AMD1: variants seen among roughly 807,000 people sequenced by gnomAD.
AMD1 encodes the protein adenosylmethionine decarboxylase 1, also known as S-adenosylmethionine decarboxylase proenzyme.
In AMD1, 11 loss-of-function variants were observed where a neutral mutation model predicts 40.2. The ratio of observed to expected loss-of-function variants is 0.27; its 90% CI spans 0.17 to 0.45. AMD1 has a LOEUF of 0.45. Ranked by LOEUF, AMD1 falls within the 20% of genes least tolerant of loss-of-function variation. The probability of loss-of-function intolerance (pLI) is 1.00; values close to 1 mark genes in which losing one functional copy is unlikely to be tolerated. For missense variants in AMD1, 257 were observed against 410.2 expected, an observed-to-expected ratio of 0.63 and a Z score of 3.23; for synonymous variants, 121 against 130.8, an observed-to-expected ratio of 0.93 and a Z score of 0.51.
intron 1 of AMD1, among the ~76,000 whole-genome samples, chr6:110,884,126 A>T (rs1785559613): frequency 6.6e-6 from 1 of 152,260 alleles, no homozygotes; most frequent in Non-Finnish European, 1.5e-5. Flanking sequence ...TTGGGTGGCA[A>T]ATAAGTGGGG....
In AMD1 at chr6:110,890,221, C is replaced by T. The variant is rs116158848; in HGVS notation, c.325-33C>T. Reference sequence around the variant, plus strand: ...GATAGAATTCTACATCTAAAGTCATCTTTTTTTTTCTTTCTTTTCTTTTTT... The same window carrying T: ...GATAGAATTCTACATCTAAAGTCATTTTTTTTTTTCTTTCTTTTCTTTTTT... On this transcript the variant is annotated intron_variant, in intron 3 of 8. Coordinates refer to ENST00000368885, the MANE Select transcript of AMD1 (RefSeq NM_001634.6). The T allele has an allele frequency of 1.4e-3, 1,993 of 1,420,230 alleles. 31 individuals are homozygous for T. The African/African-American group carries it at 0.026, about 19-fold the overall frequency. 88.0% of individuals were successfully genotyped at this position (1,420,230 alleles called of 1,614,324 possible).
At chr6:110,864,585 T>A in the AMD1 span, 1 of 152,208 alleles carries the variant, frequency 6.6e-6, no homozygotes, top group African/African-American at 2.4e-5. Flanking sequence ...AACATGGGCT[T>A]TTAAATTTCA....
chr6:110,892,543 G>A, intron 6 of AMD1, 100 bp downstream of exon 6: 8 of 1,524,950 alleles, frequency 5.2e-6, no homozygotes, highest in Non-Finnish European at 6.3e-6. Context: ...ACAAGTGCTA[G>A]TTTGTTACAT....
chr6:110,828,868 C>G, the AMD1 span, among the ~76,000 whole-genome samples: 1 of 152,106 alleles, frequency 6.6e-6, no homozygotes, highest in African/African-American at 2.4e-5. Context: ...TTTCATCTGT[C>G]CTGCTGTTAA....
chr6:110,867,611 C>A, the AMD1 span, among the ~76,000 whole-genome samples: 3 of 152,156 alleles, frequency 2.0e-5, no homozygotes, highest in Non-Finnish European at 4.4e-5. Context: ...TTGCAGTGAG[C>A]CAAGATCGTG....
chr6:110,889,396 G>C (rs1275930696), intron 3 of AMD1: 1 of 152,666 alleles, frequency 6.6e-6, no homozygotes, highest in East Asian at 1.9e-4. Context: ...GAACTAAGGT[G>C]TTTTTACCTA....
chr6:110,822,417 C>T, the AMD1 span, among the ~76,000 whole-genome samples: 1 of 151,916 alleles, frequency 6.6e-6, no homozygotes, highest in African/African-American at 2.4e-5. Flanking sequence ...CAATAACAAG[C>T]AGTGAGATTG....
chr6:110,820,309 TCACCACGACCTC>T, the AMD1 span, among the ~76,000 whole-genome samples: 1 of 151,672 alleles, frequency 6.6e-6, no homozygotes, highest in Non-Finnish European at 1.5e-5. Context: ...CGATCTTGGC[TCACCACGACCTC>T]CACCTCCCAG....
chr6:110,817,966 G>A, the AMD1 span, among the ~76,000 whole-genome samples: 1 of 152,128 alleles, frequency 6.6e-6, no homozygotes, highest in Non-Finnish European at 1.5e-5. Context: ...AGGTAGAACA[G>A]CATGTACATA....
the AMD1 span, among the ~76,000 whole-genome samples, chr6:110,834,552 G>A: frequency 6.6e-6 from 1 of 151,900 alleles, no homozygotes; most frequent in African/African-American, 2.4e-5. Context: ...ACTGAGTGTG[G>A]GGGCTTATGC....
intron 1 of AMD1, among the ~76,000 whole-genome samples, chr6:110,886,062 C>T (rs1785666123): frequency 6.6e-6 from 1 of 152,006 alleles, no homozygotes; most frequent in East Asian, 1.9e-4. Context: ...TGAGACCAGC[C>T]TGGCCAACAT....
At chr6:110,815,260 G>A in the AMD1 span, 1 of 1,022,930 alleles carries the variant, frequency 9.8e-7, no homozygotes, top group Non-Finnish European at 1.3e-6. Flanking sequence ...CGCGCGCGCC[G>A]CCCGCCGCCC....
At chr6:110,817,533 C>T in the AMD1 span, among the ~76,000 whole-genome samples, 7 of 151,996 alleles carry the variant, frequency 4.6e-5, no homozygotes, top group African/African-American at 9.7e-5. Flanking sequence ...CCCTTGAACC[C>T]GGGAGGCAGA....
the AMD1 span, among the ~76,000 whole-genome samples, chr6:110,866,572 G>A: frequency 6.6e-6 from 1 of 152,176 alleles, no homozygotes; most frequent in East Asian, 1.9e-4. Context: ...ATGGATTAGG[G>A]AACAGGGATT....
At chr6:110,863,428 G>C in the AMD1 span, among the ~76,000 whole-genome samples, 1 of 149,930 alleles carries the variant, frequency 6.7e-6, no homozygotes, top group African/African-American at 2.5e-5. Flanking sequence ...GGAGTGAAGA[G>C]GCACAATCTC....
chr6:110,862,522 A>G, the AMD1 span, among the ~76,000 whole-genome samples: 1 of 148,176 alleles, frequency 6.7e-6, no homozygotes, highest in East Asian at 2.0e-4. Flanking sequence ...ATTGGAGTGC[A>G]GTGTTGAGAT....
the AMD1 span, among the ~76,000 whole-genome samples, chr6:110,855,065 CTT>C: frequency 1.9e-4 from 15 of 80,464 alleles, no homozygotes; most frequent in South Asian, 5.5e-3. Flanking sequence ...CTCTCTCTCT[CTT>C]TTTTTTTTTT....
chr6:110,847,133 A>C, the AMD1 span, among the ~76,000 whole-genome samples: 1 of 151,828 alleles, frequency 6.6e-6, no homozygotes, highest in Non-Finnish European at 1.5e-5. Context: ...GTTACCTTTC[A>C]TAATTGTGGG....
At chr6:110,843,783 C>A in the AMD1 span, among the ~76,000 whole-genome samples, 1 of 151,924 alleles carries the variant, frequency 6.6e-6, no homozygotes. Flanking sequence ...CCGGTGGGGT[C>A]TTGCCATGTT....
Sources: allele counts gnomAD v4.1 joint callset (sites outside exome capture counted in the v4.1 genomes callset), GRCh38; gene constraint gnomAD v4.1.1; transcripts MANE v1.5; gene names NCBI Gene and HGNC (gene_info 2026-07-23, HGNC 2026-07-21).